COPB1: variants seen among roughly 807,000 people sequenced by gnomAD.
The protein encoded by COPB1 is coatomer subunit beta.
In COPB1, 21 loss-of-function variants were observed where a neutral mutation model predicts 108.7. The observed-to-expected ratio is 0.19, with a 90% confidence interval of 0.14 to 0.28. COPB1 has a LOEUF of 0.28. COPB1 is among the 10% of genes least tolerant of loss of function. COPB1 has a pLI of 1.00. For synonymous variants in COPB1, 378 were observed against 386.8 expected (o/e 0.98, Z 0.27); for missense variants, 919 against 1,141.3 (o/e 0.81, Z 2.81).
chr11:14,461,080 T>C, intron 19 of COPB1, 106 bp downstream of exon 19: 1 of 1,398,676 alleles, frequency 7.1e-7, no homozygotes, highest in Non-Finnish European at 9.9e-7. Context: ...TATTTGCTTT[T>C]CATGTTAAAC....
At chr11:14,468,585 G>T in intron 16 of COPB1, 96 bp downstream of exon 16, 2 of 1,244,924 alleles carry the variant, frequency 1.6e-6, no homozygotes, top group South Asian at 1.4e-5. Flanking sequence ...ACAGTGACTT[G>T]ACAAAATAGT....
At chr11:14,462,312 A>C (rs1173851572) in intron 18 of COPB1, among the ~76,000 whole-genome samples, 1 of 149,860 alleles carries the variant, frequency 6.7e-6, no homozygotes, top group African/African-American at 2.5e-5. Context: ...AGCTCACTGC[A>C]ACCTCCACCC....
At chr11:14,487,234 A>G (rs1345764883) in intron 6 of COPB1, among the ~76,000 whole-genome samples, 1 of 152,204 alleles carries the variant, frequency 6.6e-6, no homozygotes, top group African/African-American at 2.4e-5. Context: ...GATTTTCCTA[A>G]AATATATATA....
intron 2 of COPB1, among the ~76,000 whole-genome samples, chr11:14,494,938 A>C (rs1376809517): frequency 6.6e-6 from 1 of 152,194 alleles, no homozygotes; most frequent in Non-Finnish European, 1.5e-5. Flanking sequence ...CTGAAAACTA[A>C]AGTAGTGGAT....
Position 14,498,894 on chromosome 11 carries a change from A to G in COPB1, c.35T>C (p.Ile12Thr), listed in dbSNP as rs776806016. ...TAAENVCYTL[I>T]NVPMDSEPPS... ...TGGTTCTGAATCCATTGGCACGTTAATTAACGTGTAGCATACGTTCTCAGC... is the reference window on the plus strand; with the variant it reads ...TGGTTCTGAATCCATTGGCACGTTAGTTAACGTGTAGCATACGTTCTCAGC... The change falls in exon 2 of 22, where the codon ATT becomes ACT. Residue 12 changes from isoleucine to threonine, a missense_variant. Ile to Thr is a moderately conservative substitution (Grantham distance 89). This residue lies in a region of COPB1 where 92 missense variants were observed against 108.4 expected (regional missense o/e 0.85). Coordinates refer to ENST00000439561, the MANE Select transcript of COPB1 (RefSeq NM_001144061.2). 2 of 1,611,422 alleles carry G rather than the reference A, an allele frequency of 1.2e-6. No individual in the cohort carries two copies. Among genetic ancestry groups the G allele is most frequent in the Non-Finnish European group, 1.7e-6 (2 of 1,179,470 alleles).
intron 2 of COPB1, among the ~76,000 whole-genome samples, chr11:14,497,416 T>C (rs1028143163): frequency 2.0e-5 from 3 of 151,154 alleles, no homozygotes; most frequent in Non-Finnish European, 4.4e-5. Flanking sequence ...AGACATACAA[T>C]TGGCAAACAG....
intron 17 of COPB1, 33 bp downstream of exon 17, chr11:14,466,249 A>T: frequency 6.2e-7 from 1 of 1,607,166 alleles, no homozygotes; most frequent in South Asian, 1.1e-5. Flanking sequence ...CTACTATGTG[A>T]CAATCTCTTT....
chr11:14,474,216 C>G (rs1041409242), intron 14 of COPB1: 12 of 226,890 alleles, frequency 5.3e-5, no homozygotes, highest in Non-Finnish European at 8.1e-5. Context: ...TCCCAGCAAA[C>G]TGAGGTGACT....
intron 7 of COPB1, among the ~76,000 whole-genome samples, chr11:14,484,555 C>T (rs1310643498): frequency 6.6e-6 from 1 of 151,826 alleles, no homozygotes; most frequent in African/African-American, 2.4e-5. Flanking sequence ...CTGTCTCTAC[C>T]GAAAATACAA....
At position 14,493,396 on chromosome 11, in the gene COPB1, A is replaced by G. The variant is rs774373393; in HGVS notation, c.491+246T>C. 5.4e-4 allele frequency among the ~76,000 whole-genome samples: 82 copies of G among 152,340 alleles called. 1 individual carries two copies. The highest frequency in any genetic ancestry group is 1.0e-3 in the Non-Finnish European group (70 of 68,032). On this transcript the variant is annotated intron_variant, in intron 4 of 21. Coordinates refer to ENST00000439561, the MANE Select transcript of COPB1 (RefSeq NM_001144061.2). ...AATGACAAGCACTGTCATAAACTGT[A>G]AAGTATATAACTTATTTAAAGGGGG...
chr11:14,493,249 A>AGCT (rs1183353265), intron 4 of COPB1, among the ~76,000 whole-genome samples: 1 of 152,216 alleles, frequency 6.6e-6, no homozygotes, highest in African/African-American at 2.4e-5. Context: ...CCTTCCTCAA[A>AGCT]GCTTCTGACA....
chr11:14,469,309 T>G (rs751790843), intron 15 of COPB1, 27 bp downstream of exon 15: 12 of 1,581,586 alleles, frequency 7.6e-6, no homozygotes, highest in Non-Finnish European at 1.0e-5. Flanking sequence ...ACAAAACACT[T>G]TTGTTGCCTC....
chr11:14,481,605 G>C (rs1359496868), intron 8 of COPB1, among the ~76,000 whole-genome samples: 3 of 152,052 alleles, frequency 2.0e-5, no homozygotes, highest in African/African-American at 7.2e-5. Context: ...ATATAGACTT[G>C]GTATTAGATA....
chr11:14,490,956 A>G (rs1319774765), intron 4 of COPB1, among the ~76,000 whole-genome samples: 1 of 151,696 alleles, frequency 6.6e-6, no homozygotes, highest in African/African-American at 2.4e-5. Flanking sequence ...TGCCCAGCTA[A>G]TTTTTTGTAT....
At chr11:14,465,062 T>TACACACACACACAC (rs3835110) in intron 17 of COPB1, 32 bp from the exon 18 acceptor site, 4 of 1,113,512 alleles carry the variant, frequency 3.6e-6, no homozygotes, top group Non-Finnish European at 3.7e-6. Context: ...TGGTTAAAAA[T>TACACACACACACAC]ACACACACAC....
chr11:14,467,476 T>C (rs1850309973), intron 16 of COPB1, among the ~76,000 whole-genome samples: 2 of 152,086 alleles, frequency 1.3e-5, no homozygotes, highest in Non-Finnish European at 2.9e-5. Flanking sequence ...AAAAACACAA[T>C]GGAGGTTCCT....
intron 11 of COPB1, among the ~76,000 whole-genome samples, chr11:14,478,001 G>T: frequency 6.7e-6 from 1 of 148,164 alleles, no homozygotes. Flanking sequence ...GCAAGCTTCT[G>T]TCTCAATAAC....
chr11:14,472,421 A>C (rs1850428685), intron 14 of COPB1, among the ~76,000 whole-genome samples: 1 of 152,216 alleles, frequency 6.6e-6, no homozygotes, highest in African/African-American at 2.4e-5. Context: ...CCACTGACAG[A>C]GCACAGACAG....
intron 17 of COPB1, 31 bp from the exon 18 acceptor site, chr11:14,465,061 AT>A (rs765014337): frequency 6.8e-7 from 1 of 1,479,776 alleles, no homozygotes. Flanking sequence ...ATGGTTAAAA[AT>A]ACACACACAC....
Sources: gnomAD v4.1 joint callset for allele counts (sites outside exome capture counted in the v4.1 genomes callset) on GRCh38, gnomAD v4.1.1 for gene constraint, gnomAD v4.1.1 regional missense constraint, MANE v1.5 for transcripts, NCBI Gene and HGNC (gene_info 2026-07-23, HGNC 2026-07-21) for gene names.